MAT2A: variants seen among roughly 807,000 people sequenced by gnomAD.
MAT2A encodes S-adenosylmethionine synthase isoform type-2.
MAT2A carries 3 observed loss-of-function variants against 43.9 expected under a neutral mutation model. The observed-to-expected ratio is 0.07, with a 90% CI of 0.03 to 0.18. The LOEUF is 0.18. Among genes scored for constraint, MAT2A ranks in the 10% least tolerant of loss-of-function variants. The probability of loss-of-function intolerance (pLI) is 1.00; values close to 1 mark genes in which losing one functional copy is unlikely to be tolerated. For synonymous variants in MAT2A, 200 were observed against 168.4 expected, an observed-to-expected ratio of 1.19 and a Z score of -1.45; for missense variants, 204 against 489.0, an observed-to-expected ratio of 0.42 and a Z score of 5.50.
intron 8 of MAT2A, 103 bp from the exon 9 acceptor site, chr2:85,543,567 C>T (rs1691533504): frequency 1.3e-5 from 10 of 741,524 alleles, no homozygotes; most frequent in Non-Finnish European, 2.2e-5. Flanking sequence ...TAGCATATCC[C>T]AGAGAACTCA....
chr2:85,539,516 C>G, intron 1 of MAT2A, 138 bp downstream of exon 1: 1 of 586,356 alleles, frequency 1.7e-6, no homozygotes, highest in South Asian at 2.6e-5. Flanking sequence ...CGACCGCGCG[C>G]TTTCCTCGTG....
intron 1 of MAT2A, among the ~76,000 whole-genome samples, chr2:85,540,458 G>A (rs1691445472): frequency 6.6e-6 from 1 of 152,192 alleles, no homozygotes; most frequent in Non-Finnish European, 1.5e-5. Context: ...GAAGTTCAGA[G>A]CCTGCAGTCT....
intron 1 of MAT2A, among the ~76,000 whole-genome samples, chr2:85,540,460 C>G (rs550414755): frequency 6.6e-6 from 1 of 152,264 alleles, no homozygotes; most frequent in Admixed American, 6.5e-5. Flanking sequence ...AGTTCAGAGC[C>G]TGCAGTCTGG....
chr2:85,539,213 A>C lies in MAT2A; in HGVS notation c.-75A>C. 2.8e-6 allele frequency: 3 copies of C among 1,055,894 alleles called. No homozygotes were observed. The South Asian group carries it at 4.2e-5, about 15-fold the overall frequency. 65.4% of individuals were successfully genotyped at this position (1,055,894 alleles called of 1,614,324 possible). On this transcript the variant is annotated 5_prime_UTR_variant, in exon 1 of 9. Transcript: ENST00000306434. ...CTGCTACGAGTAGAACGCTGTCCGC[A>C]GCTTGCGCATTTCGCAGCCGCTGCC...
intron 1 of MAT2A, 61 bp downstream of exon 1, chr2:85,539,439 T>C: frequency 1.5e-6 from 2 of 1,374,376 alleles, no homozygotes; most frequent in Non-Finnish European, 2.0e-6. Context: ...AAGGTCCGGC[T>C]GGCTGCGGCC....
Position 85,545,244 on chromosome 2 carries a change from A to G in MAT2A, c.*1472A>G, listed in dbSNP as rs1691598650. On this transcript the variant is annotated 3_prime_UTR_variant, in exon 9 of 9. Transcript: ENST00000306434. ...GTCTGGTTCTCAATTCCAACAGTTT[A>G]ATGAAGATCTAAATAAAATGCTAGG... is the stretch of plus-strand genomic sequence containing the variant. 6.6e-6 allele frequency: 1 copy of G among 152,618 alleles called. No individual in the cohort carries two copies. Among genetic ancestry groups the G allele is most frequent in the Non-Finnish European group, 1.5e-5 (1 of 68,030 alleles). The allele number at this position is 152,618 out of a possible 1,614,324, so 9.5% of individuals were successfully genotyped here. A position where few individuals can be genotyped will look rare whatever the true frequency, so the allele number is the denominator to read the frequency against.
intron 1 of MAT2A, among the ~76,000 whole-genome samples, chr2:85,540,479 TTA>T (rs1419107624): frequency 6.6e-6 from 1 of 152,188 alleles, no homozygotes; most frequent in Non-Finnish European, 1.5e-5. Context: ...GGCTTCCACA[TTA>T]TGTTTGGATT....
At position 85,541,170 on chromosome 2, in the gene MAT2A, G is replaced by T; in HGVS notation, c.169+10G>T. On this transcript the variant is annotated intron_variant, in intron 2 of 8. Transcript: ENST00000306434. ...GCCAAAGTAGCTTGTGGTAGGTTCAGAATGTGCTTATCAACTGGTGGAAAG... is the reference window on the plus strand; with the variant it reads ...GCCAAAGTAGCTTGTGGTAGGTTCATAATGTGCTTATCAACTGGTGGAAAG... 1 of 1,613,726 alleles carries T rather than the reference G, an allele frequency of 6.2e-7. No individual in the cohort carries two copies. Among genetic ancestry groups the T allele is most frequent in the Non-Finnish European group, 8.5e-7 (1 of 1,179,692 alleles).
At chr2:85,539,439 T>A (rs1401305489) in intron 1 of MAT2A, 61 bp downstream of exon 1, 1 of 1,374,258 alleles carries the variant, frequency 7.3e-7, no homozygotes, top group African/African-American at 1.5e-5. Flanking sequence ...AAGGTCCGGC[T>A]GGCTGCGGCC....
chr2:85,543,422 T>A, intron 8 of MAT2A: 2 of 445,960 alleles, frequency 4.5e-6, no homozygotes, highest in Non-Finnish European at 8.1e-6. Flanking sequence ...TTTTGACAAT[T>A]GAAATTTCTC....
chr2:85,545,061 A>G lies in MAT2A; in HGVS notation c.*1289A>G, dbSNP rs1020382748. Reference sequence around the variant, plus strand: ...CCTACAGGGGGTCTGGCTGGTGTTAACAGAAGGGAGGGCAGAGCTGGTGCG... The same window carrying G: ...CCTACAGGGGGTCTGGCTGGTGTTAGCAGAAGGGAGGGCAGAGCTGGTGCG... On this transcript the variant is annotated 3_prime_UTR_variant, in exon 9 of 9. Coordinates refer to ENST00000306434, the MANE Select transcript of MAT2A (RefSeq NM_005911.6). 3 of 152,474 alleles carry G rather than the reference A, an allele frequency of 2.0e-5. No homozygotes were observed. Among genetic ancestry groups the G allele is most frequent in the South Asian group, 2.1e-4 (1 of 4,834 alleles). The allele number at this position is 152,474 out of a possible 1,614,324, so 9.4% of individuals were successfully genotyped here. A position where few individuals can be genotyped will look rare whatever the true frequency, so the allele number is the denominator to read the frequency against.
intron 3 of MAT2A, 97 bp downstream of exon 3, chr2:85,541,474 T>A (rs1447727600): frequency 6.9e-7 from 1 of 1,444,714 alleles, no homozygotes; most frequent in African/African-American, 1.4e-5. Context: ...ACTCCAGTTG[T>A]ATCTTACTAT....
chr2:85,542,538 A>T (rs770859859), intron 6 of MAT2A, 27 bp from the exon 7 acceptor site: 2 of 1,605,592 alleles, frequency 1.2e-6, no homozygotes, highest in South Asian at 2.2e-5. Flanking sequence ...CACTAGGCGT[A>T]AAGTAACTTA....
At chr2:85,541,579 TA>T in intron 3 of MAT2A, 53 bp from the exon 4 acceptor site, 1 of 1,415,702 alleles carries the variant, frequency 7.1e-7, no homozygotes. Context: ...ATAATTGCTG[TA>T]AACAGCAGGT....
Position 85,539,192 on chromosome 2 carries a change from T to A in MAT2A, c.-96T>A, listed in dbSNP as rs1475960649. On this transcript the variant is annotated 5_prime_UTR_variant, in exon 1 of 9. Transcript: ENST00000306434. ...CGTTCGCTCCGCGCCGCCCGCCTGCTACGAGTAGAACGCTGTCCGCAGCTT... is the reference window on the plus strand; with the variant it reads ...CGTTCGCTCCGCGCCGCCCGCCTGCAACGAGTAGAACGCTGTCCGCAGCTT... The A allele has an allele frequency of 2.3e-6, 2 of 884,222 alleles. No homozygotes were observed. The highest frequency in any genetic ancestry group is 1.7e-5 in the African/African-American group (1 of 57,718). The allele number at this position is 884,222 out of a possible 1,614,324, so 54.8% of individuals were successfully genotyped here.
chr2:85,539,512 C>G, intron 1 of MAT2A, 134 bp downstream of exon 1: 2 of 600,918 alleles, frequency 3.3e-6, no homozygotes, highest in Non-Finnish European at 5.4e-6. Flanking sequence ...GCGGCGACCG[C>G]GCGCTTTCCT....
At chr2:85,543,632 T>C (rs1691535078) in intron 8 of MAT2A, 38 bp from the exon 9 acceptor site, 1 of 1,220,480 alleles carries the variant, frequency 8.2e-7, no homozygotes, top group Admixed American at 2.0e-5. Flanking sequence ...TATTTTAATT[T>C]AATGCTACAT....
chr2:85,541,036 CTTTGTTT>C, intron 1 of MAT2A, 40 bp from the exon 2 acceptor site: 1 of 1,369,706 alleles, frequency 7.3e-7, no homozygotes, highest in Non-Finnish European at 1.0e-6. Context: ...TACATACATA[CTTTGTTT>C]AAAGTTAAAG....
intron 5 of MAT2A, 75 bp downstream of exon 5, chr2:85,542,047 T>A: frequency 6.3e-7 from 1 of 1,589,598 alleles, no homozygotes; most frequent in Non-Finnish European, 8.6e-7. Flanking sequence ...TGATAATAGC[T>A]AACTGGAAAA....
Sources: gnomAD v4.1 joint callset for allele counts (sites outside exome capture counted in the v4.1 genomes callset) on GRCh38, gnomAD v4.1.1 for gene constraint, MANE v1.5 for transcripts, NCBI Gene and HGNC (gene_info 2026-07-23, HGNC 2026-07-21) for gene names.